The following RALY variants were observed in gnomAD, a reference collection of about 807,000 sequenced individuals.
RALY encodes the protein RALY heterogeneous nuclear ribonucleoprotein, also known as RNA-binding protein Raly.
In RALY, 15 loss-of-function variants were observed where a neutral mutation model predicts 30.7. That is an observed-to-expected ratio of 0.49 (90% CI 0.33 to 0.75). RALY has a LOEUF of 0.75. RALY is among the 30% of genes least tolerant of loss of function. The pLI is 0.02. For missense variants in RALY, 339 were observed against 414.3 expected (o/e 0.82, Z 1.58); for synonymous variants, 177 against 170.8 (o/e 1.04, Z -0.28).
intron 1 of RALY, among the ~76,000 whole-genome samples, chr20:34,014,747 A>G (rs558002882): frequency 2.0e-5 from 3 of 152,210 alleles, no homozygotes; most frequent in Non-Finnish European, 4.4e-5. Context: ...TTAGAAATAC[A>G]TTTAGTAATG....
intron 2 of RALY, among the ~76,000 whole-genome samples, chr20:34,058,636 G>A (rs1170450290): frequency 1.3e-5 from 2 of 152,104 alleles, no homozygotes; most frequent in East Asian, 1.9e-4. Context: ...TGTTCTCTGC[G>A]CTAGGGTTTA....
intron 2 of RALY, among the ~76,000 whole-genome samples, chr20:34,054,091 A>T (rs1032823030): frequency 1.3e-5 from 2 of 152,100 alleles, no homozygotes; most frequent in Admixed American, 1.3e-4. Flanking sequence ...ATCTCCTTCT[A>T]TTCTGCTGAT....
rs1157897388 is a variant in RALY at position 33,994,013 on chromosome 20, C to G, written c.-211C>G. 1 of 152,116 alleles carries G rather than the reference C, an allele frequency of 6.6e-6. No individual in the cohort carries two copies. Among genetic ancestry groups the G allele is most frequent in the African/African-American group, 2.4e-5 (1 of 41,436 alleles). The allele number at this position is 152,116 out of a possible 1,614,324, so 9.4% of individuals were successfully genotyped here. A position where few individuals can be genotyped will look rare whatever the true frequency, so the allele number is the denominator to read the frequency against. ...GCGACGGCGACGACGACGACTCCCG[C>G]GCGTGTGCCCAGCCTCTTCCCGCCG... On this transcript the variant is annotated 5_prime_UTR_variant, in exon 1 of 10. Coordinates refer to ENST00000246194, the MANE Select transcript of RALY (RefSeq NM_016732.3).
chr20:34,030,586 A>C (rs1029247051), intron 1 of RALY, among the ~76,000 whole-genome samples: 1 of 152,252 alleles, frequency 6.6e-6, no homozygotes, highest in Non-Finnish European at 1.5e-5. Context: ...AGCCTGGGCC[A>C]CAAGTGAGAC....
intron 1 of RALY, among the ~76,000 whole-genome samples, chr20:33,994,964 C>G (rs2122947449): frequency 6.6e-6 from 1 of 152,276 alleles, no homozygotes; most frequent in Non-Finnish European, 1.5e-5. Context: ...GTAATTTTCT[C>G]CAAGTCACAG....
At chr20:34,038,825 G>A (rs1305103766) in intron 2 of RALY, among the ~76,000 whole-genome samples, 2 of 152,182 alleles carry the variant, frequency 1.3e-5, no homozygotes, top group Non-Finnish European at 1.5e-5. Context: ...TAGTGATTGT[G>A]TTGCTAGTAG....
At position 34,078,153 on chromosome 20, in the gene RALY, G is replaced by A. The variant is rs534276260; in HGVS notation, c.877-352G>A. 2.0e-5 allele frequency among the ~76,000 whole-genome samples: 3 copies of A among 152,364 alleles called. No individual in the cohort carries two copies. The East Asian group carries it at 5.8e-4, about 29-fold the overall frequency. ...TCATCTTATTTTCTCAGGCATAGCA[G>A]TGTCCATAAAGGCCCTAACAAAGAC... On this transcript the variant is annotated intron_variant, in intron 8 of 9. Transcript: ENST00000246194.
intron 7 of RALY, 59 bp downstream of exon 7, chr20:34,076,874 G>A: frequency 1.3e-6 from 2 of 1,596,454 alleles, no homozygotes; most frequent in Middle Eastern, 1.9e-4. Flanking sequence ...AGAGCATGGG[G>A]AAATAGTACA....
chr20:34,060,056 C>T (rs2033369943), intron 2 of RALY, among the ~76,000 whole-genome samples: 1 of 152,000 alleles, frequency 6.6e-6, no homozygotes, highest in East Asian at 1.9e-4. Flanking sequence ...CTTGTCTTTC[C>T]TTTTATGTTC....
intron 2 of RALY, among the ~76,000 whole-genome samples, chr20:34,055,902 A>G (rs1356662906): frequency 1.3e-5 from 2 of 152,226 alleles, no homozygotes; most frequent in African/African-American, 4.8e-5. Context: ...AATGTGCCCA[A>G]AAATCTCTAT....
At chr20:34,053,088 G>C (rs1452429718) in intron 2 of RALY, among the ~76,000 whole-genome samples, 2 of 151,294 alleles carry the variant, frequency 1.3e-5, no homozygotes, top group East Asian at 1.9e-4. Context: ...TCGAACTCCT[G>C]ACCTCAGGTG....
intron 2 of RALY, among the ~76,000 whole-genome samples, chr20:34,047,898 C>T (rs1354326054): frequency 1.3e-5 from 2 of 152,190 alleles, no homozygotes; most frequent in African/African-American, 4.8e-5. Context: ...GACCAACCCC[C>T]AACCCCACCT....
intron 1 of RALY, among the ~76,000 whole-genome samples, chr20:34,021,149 A>T (rs956475263): frequency 6.6e-6 from 1 of 151,898 alleles, no homozygotes; most frequent in Non-Finnish European, 1.5e-5. Context: ...GTTAGTAGAG[A>T]TGGGGTTTTG....
intron 2 of RALY, chr20:34,033,094 A>G (rs999332608): frequency 6.6e-6 from 1 of 152,218 alleles, no homozygotes; most frequent in African/African-American, 2.4e-5. Flanking sequence ...CAGGGTAAGG[A>G]CCTGAGTGCT....
intron 2 of RALY, among the ~76,000 whole-genome samples, chr20:34,053,570 A>G (rs1441458658): frequency 1.3e-5 from 2 of 151,306 alleles, no homozygotes; most frequent in African/African-American, 4.9e-5. Flanking sequence ...GCTAATTTTT[A>G]ATTGTTTTTA....
chr20:34,056,310 C>T (rs2033241347), intron 2 of RALY, among the ~76,000 whole-genome samples: 1 of 152,206 alleles, frequency 6.6e-6, no homozygotes, highest in African/African-American at 2.4e-5. Flanking sequence ...TCCTTCAGGA[C>T]AAGATTGGAA....
At chr20:34,034,921 G>A (rs1348552582) in intron 2 of RALY, among the ~76,000 whole-genome samples, 2 of 152,088 alleles carry the variant, frequency 1.3e-5, no homozygotes, top group Admixed American at 1.3e-4. Context: ...GGGAGGCCGA[G>A]TCAGGTGGAT....
In RALY at chr20:34,002,618, A is replaced by AT. The variant is rs35022070; in HGVS notation, c.-93+8494dup. ...ATCTGACTTCCAGTGTGTAGACTTTATTTTTTTGGCATTCCCTTCTCTCCC... is the reference window on the plus strand; with the variant it reads ...ATCTGACTTCCAGTGTGTAGACTTTATTTTTTTTGGCATTCCCTTCTCTCCC... On this transcript the variant is annotated intron_variant, in intron 1 of 9. Coordinates refer to ENST00000246194, the MANE Select transcript of RALY (RefSeq NM_016732.3). Among the ~76,000 whole-genome samples the AT allele has an allele frequency of 1.1e-3, 171 of 152,208 alleles. 1 individual carries two copies. Among genetic ancestry groups the AT allele is most frequent in the African/African-American group, 3.9e-3 (161 of 41,530 alleles).
chr20:34,000,271 G>T (rs1413360236), intron 1 of RALY, among the ~76,000 whole-genome samples: 1 of 152,058 alleles, frequency 6.6e-6, no homozygotes, highest in African/African-American at 2.4e-5. Flanking sequence ...TTTGGTCAGT[G>T]TGTGGGCTGG....
Sources: allele counts gnomAD v4.1 joint callset (sites outside exome capture counted in the v4.1 genomes callset), GRCh38; gene constraint gnomAD v4.1.1; transcripts MANE v1.5; gene names NCBI Gene and HGNC (gene_info 2026-07-23, HGNC 2026-07-21).